Variants in GRIN3A observed in about 807,000 individuals in gnomAD.
The protein encoded by GRIN3A is glutamate receptor ionotropic, NMDA 3A.
Under a neutral mutation model 92.4 loss-of-function variants are expected in GRIN3A, and 47 were observed. The ratio of observed to expected loss-of-function variants is 0.51; its 90% CI spans 0.40 to 0.65. GRIN3A has a LOEUF of 0.65. GRIN3A is among the 30% of genes least tolerant of loss of function. The pLI is 0.00. For synonymous variants in GRIN3A, 527 were observed against 540.6 expected (o/e 0.97, Z 0.35); for missense variants, 1,324 against 1,393.1 (o/e 0.95, Z 0.79).
intron 1 of GRIN3A, among the ~76,000 whole-genome samples, chr9:101,703,930 C>A (rs1829783008): frequency 6.6e-6 from 1 of 152,170 alleles, no homozygotes. Flanking sequence ...CCATCTTGAT[C>A]TTATCTCTAT....
chr9:101,736,518 G>A (rs547069637), intron 1 of GRIN3A, among the ~76,000 whole-genome samples: 1 of 151,474 alleles, frequency 6.6e-6, no homozygotes, highest in South Asian at 2.1e-4. Context: ...ATTCTTAGAT[G>A]ATGGGGAGAG....
At chr9:101,590,990 A>AT (rs1828015761) in intron 6 of GRIN3A, among the ~76,000 whole-genome samples, 1 of 152,212 alleles carries the variant, frequency 6.6e-6, no homozygotes, top group South Asian at 2.1e-4. Flanking sequence ...CTGAGGCCAT[A>AT]TTTTTTTCTC....
At chr9:101,655,353 A>G (rs1047743230) in intron 3 of GRIN3A, among the ~76,000 whole-genome samples, 1 of 151,968 alleles carries the variant, frequency 6.6e-6, no homozygotes, top group Non-Finnish European at 1.5e-5. Flanking sequence ...TTTGACCTGC[A>G]AGATATTCAG....
At chr9:101,601,315 T>C (rs978977265) in intron 6 of GRIN3A, among the ~76,000 whole-genome samples, 5 of 152,138 alleles carry the variant, frequency 3.3e-5, no homozygotes, top group Non-Finnish European at 5.9e-5. Flanking sequence ...GCACACGTTT[T>C]ATCAAAAGAA....
chr9:101,580,828 C>G (rs927397237), intron 6 of GRIN3A, among the ~76,000 whole-genome samples: 1 of 152,206 alleles, frequency 6.6e-6, no homozygotes, highest in African/African-American at 2.4e-5. Context: ...AGCTCCAAAG[C>G]CTGGGCTCTT....
intron 3 of GRIN3A, among the ~76,000 whole-genome samples, chr9:101,647,693 G>T (rs894656522): frequency 6.6e-6 from 1 of 151,752 alleles, no homozygotes; most frequent in African/African-American, 2.4e-5. Flanking sequence ...GTCTGTTCAG[G>T]TTTTCTATTC....
intron 3 of GRIN3A, among the ~76,000 whole-genome samples, chr9:101,653,148 G>A (rs1390396393): frequency 6.6e-6 from 1 of 151,882 alleles, no homozygotes; most frequent in Non-Finnish European, 1.5e-5. Context: ...TAAAACTTCA[G>A]TCATCACATG....
intron 1 of GRIN3A, among the ~76,000 whole-genome samples, chr9:101,727,999 C>A (rs529543500): frequency 6.6e-6 from 1 of 151,942 alleles, no homozygotes; most frequent in South Asian, 2.1e-4. Context: ...AATAACATCT[C>A]TCTGTGTGTG....
At chr9:101,607,990 A>G (rs1273740874) in intron 6 of GRIN3A, among the ~76,000 whole-genome samples, 1 of 152,206 alleles carries the variant, frequency 6.6e-6, no homozygotes, top group Non-Finnish European at 1.5e-5. Context: ...TGTGAGGACA[A>G]TCCTGAAATT....
chr9:101,728,931 G>T (rs1830108126), intron 1 of GRIN3A, among the ~76,000 whole-genome samples: 1 of 152,084 alleles, frequency 6.6e-6, no homozygotes, highest in Admixed American at 6.6e-5. Context: ...TTAATCTTTG[G>T]GTTAATGTAA....
At chr9:101,624,626 G>T (rs1330819270) in intron 4 of GRIN3A, among the ~76,000 whole-genome samples, 2 of 150,994 alleles carry the variant, frequency 1.3e-5, no homozygotes, top group Non-Finnish European at 3.0e-5. Flanking sequence ...GTCTATCGTT[G>T]TTGGACATTT....
rs376923597 is a variant in GRIN3A at position 101,613,537 on chromosome 9, A to C, written c.2615-10T>G. ...AGGCCAATGCCGTATCCTAGAAGAA[A>C]ATACAATCTCAGATGAGTTTTTTAC... On this transcript the variant is annotated splice_polypyrimidine_tract_variant and intron_variant, in intron 5 of 8. Coordinates refer to ENST00000361820, the MANE Select transcript of GRIN3A (RefSeq NM_133445.3). The C allele has an allele frequency of 6.2e-7, 1 of 1,613,896 alleles. No homozygotes were observed. Among genetic ancestry groups the C allele is most frequent in the African/African-American group, 1.3e-5 (1 of 74,916 alleles).
chr9:101,605,370 G>A (rs1210650382), intron 6 of GRIN3A, among the ~76,000 whole-genome samples: 1 of 152,224 alleles, frequency 6.6e-6, no homozygotes, highest in Non-Finnish European at 1.5e-5. Context: ...CAGTTTTGCA[G>A]TGTAGGGAAG....
At chr9:101,695,812 A>G (rs1829677692) in intron 1 of GRIN3A, among the ~76,000 whole-genome samples, 1 of 152,202 alleles carries the variant, frequency 6.6e-6, no homozygotes, top group African/African-American at 2.4e-5. Flanking sequence ...TAATGTGCTC[A>G]GAGGCTACAG....
chr9:101,717,781 A>G (rs939058281), intron 1 of GRIN3A, among the ~76,000 whole-genome samples: 1 of 152,250 alleles, frequency 6.6e-6, no homozygotes, highest in Non-Finnish European at 1.5e-5. Context: ...GCAGTGGTTC[A>G]AAGATGTGAG....
In GRIN3A at chr9:101,572,222, G is replaced by A. The variant is rs1182804600; in HGVS notation, c.*952C>T. 6.5e-6 allele frequency: 1 copy of A among 152,726 alleles called. No individual in the cohort carries two copies. Among genetic ancestry groups the A allele is most frequent in the Non-Finnish European group, 1.5e-5 (1 of 68,124 alleles). The allele number at this position is 152,726 out of a possible 1,614,324, so 9.5% of individuals were successfully genotyped here. On this transcript the variant is annotated 3_prime_UTR_variant, in exon 9 of 9. Transcript: ENST00000361820. ...ATGGGTGACTGCTGATCTGAAAATG[G>A]CCTAGTGTGTGGTGTGTAGAACATT...
chr9:101,635,786 A>C (rs2118892240), intron 3 of GRIN3A, among the ~76,000 whole-genome samples: 1 of 152,306 alleles, frequency 6.6e-6, no homozygotes, highest in South Asian at 2.1e-4. Flanking sequence ...TGACATTTGG[A>C]CTGATTTTAG....
intron 6 of GRIN3A, among the ~76,000 whole-genome samples, chr9:101,605,930 C>T (rs778579950): frequency 2.6e-5 from 4 of 152,136 alleles, no homozygotes; most frequent in Non-Finnish European, 4.4e-5. Flanking sequence ...TTGTAACAAT[C>T]AAGTAAGATA....
At chr9:101,669,754 A>G (rs188738843) in intron 3 of GRIN3A, among the ~76,000 whole-genome samples, 4 of 133,106 alleles carry the variant, frequency 3.0e-5, no homozygotes, top group Admixed American at 7.9e-5. Context: ...CCATTCCCTG[A>G]TAGGTGTGCT....
Sources: allele counts gnomAD v4.1 joint callset (sites outside exome capture counted in the v4.1 genomes callset), GRCh38; gene constraint gnomAD v4.1.1; transcripts MANE v1.5; gene names NCBI Gene and HGNC (gene_info 2026-07-23, HGNC 2026-07-21).